Variants in XKR3 observed in about 807,000 individuals in gnomAD.
XKR3 encodes XK-related protein 3.
A neutral mutation model predicts 40.3 loss-of-function variants in XKR3; 27 were observed. That is an observed-to-expected ratio of 0.67 (90% CI 0.49 to 0.92). The LOEUF (loss-of-function observed/expected upper bound fraction) is 0.92, where lower values mean the gene tolerates loss of function less well. Ranked by LOEUF, XKR3 falls within the 40% of genes least tolerant of loss-of-function variation. The probability of loss-of-function intolerance (pLI) is 0.00; values close to 1 mark genes in which losing one functional copy is unlikely to be tolerated. For missense variants in XKR3, 472 were observed against 537.6 expected, an observed-to-expected ratio of 0.88 and a Z score of 1.21; for synonymous variants, 193 against 195.4, an observed-to-expected ratio of 0.99 and a Z score of 0.10.
chr22:16,814,193 C>T (rs780460980), intron 1 of XKR3, among the ~76,000 whole-genome samples: 5 of 152,104 alleles, frequency 3.3e-5, no homozygotes, highest in African/African-American at 4.8e-5. Context: ...GTTTTTGATA[C>T]ATTTTGAGAT....
chr22:16,790,790 G>A (rs1190580482), intron 3 of XKR3, among the ~76,000 whole-genome samples: 3 of 151,614 alleles, frequency 2.0e-5, no homozygotes, highest in African/African-American at 7.3e-5. Flanking sequence ...TTTCTCAAAA[G>A]GCATTTTTCA....
intron 1 of XKR3, among the ~76,000 whole-genome samples, chr22:16,820,896 G>GT (rs1022568094): frequency 4.6e-5 from 7 of 152,096 alleles, no homozygotes; most frequent in Admixed American, 1.3e-4. Context: ...ACGATCTCTT[G>GT]TAAGTTATAA....
intron 3 of XKR3, among the ~76,000 whole-genome samples, chr22:16,799,017 A>C (rs193291849): frequency 1.6e-4 from 25 of 152,290 alleles, no homozygotes; most frequent in African/African-American, 6.0e-4. Context: ...CTAAGGTAAA[A>C]ATTTAAAATA....
chr22:16,787,467 G>C (rs1464682263), intron 3 of XKR3, among the ~76,000 whole-genome samples: 5 of 151,660 alleles, frequency 3.3e-5, no homozygotes, highest in Non-Finnish European at 7.4e-5. Context: ...GGCTGAGGCA[G>C]GATAATCACG....
At chr22:16,796,463 T>C (rs1364280251) in intron 3 of XKR3, among the ~76,000 whole-genome samples, 3 of 152,086 alleles carry the variant, frequency 2.0e-5, no homozygotes, top group Admixed American at 6.5e-5. Context: ...CTTAACAAAA[T>C]CTCAGCAAAC....
chr22:16,787,609 G>A (rs1349052670), intron 3 of XKR3, among the ~76,000 whole-genome samples: 1 of 149,352 alleles, frequency 6.7e-6, no homozygotes, highest in Non-Finnish European at 1.5e-5. Context: ...AAAGTAAAAA[G>A]TCTATTTAGA....
rs2060078154 is a variant in XKR3, at chr22:16,784,029, C to CTG, written c.968_969dup (p.Ala324GlnfsTer3). 1 of 1,614,232 alleles carries CTG rather than the reference C, an allele frequency of 6.2e-7. No homozygotes were observed. The highest frequency in any genetic ancestry group is 2.2e-5 in the East Asian group (1 of 44,890). On this transcript the variant is annotated frameshift_variant, in exon 4 of 4. Transcript: ENST00000684488. LOFTEE classifies it high-confidence loss of function. ...TCATCTGACAACTGCAGTTTCACTGCTGACCAGCAGGAGAAGTTGATGGCA... is the reference window on the plus strand; with the variant it reads ...TCATCTGACAACTGCAGTTTCACTGCTGTGACCAGCAGGAGAAGTTGATGGCA...
chr22:16,818,583 G>A (rs1054499587), intron 1 of XKR3, among the ~76,000 whole-genome samples: 4 of 151,586 alleles, frequency 2.6e-5, no homozygotes, highest in East Asian at 1.9e-4. Context: ...TACTCCAGAC[G>A]AACACCACAG....
At chr22:16,785,204 C>T (rs1341872649) in intron 3 of XKR3, among the ~76,000 whole-genome samples, 1 of 152,052 alleles carries the variant, frequency 6.6e-6, no homozygotes. Flanking sequence ...GTAGTCCCAG[C>T]TACTCGGGAG....
intron 3 of XKR3, among the ~76,000 whole-genome samples, chr22:16,786,671 A>T (rs1467751669): frequency 3.3e-5 from 5 of 152,206 alleles, no homozygotes; most frequent in Non-Finnish European, 1.5e-5. Context: ...TCTAGGCATT[A>T]GGATTCCCCC....
chr22:16,809,388 C>T (rs117364346), intron 1 of XKR3, among the ~76,000 whole-genome samples: 2,991 of 152,148 alleles, frequency 0.02, 35 homozygotes, highest in Middle Eastern at 0.054. Context: ...CCTTATCACA[C>T]GTGTATTAAA....
chr22:16,801,559 AGTAAGT>A (rs911617117), intron 2 of XKR3, among the ~76,000 whole-genome samples: 7 of 152,292 alleles, frequency 4.6e-5, no homozygotes, highest in African/African-American at 1.7e-4. Flanking sequence ...TAAATATATA[AGTAAGT>A]GTAAGTTTTA....
chr22:16,793,291 C>T (rs1270394192), intron 3 of XKR3, among the ~76,000 whole-genome samples: 19 of 152,312 alleles, frequency 1.2e-4, no homozygotes, highest in Admixed American at 8.5e-4. Context: ...GGATTACAGG[C>T]GTGAGCCACT....
chr22:16,813,246 T>C (rs1601850016), intron 1 of XKR3, among the ~76,000 whole-genome samples: 1 of 151,562 alleles, frequency 6.6e-6, no homozygotes, highest in Admixed American at 6.6e-5. Context: ...ATTGCACCAC[T>C]GCACTCCAGC....
Position 16,822,337 on chromosome 22 carries a change from A to C in XKR3, c.-11+2954T>G, listed in dbSNP as rs556209021. On this transcript the variant is annotated intron_variant, in intron 1 of 3. Transcript: ENST00000684488. Reference sequence around the variant, plus strand: ...CACTACAAACCTCAAAGCAAGAACTAAAGTAACAGTAACAGCTAAGAAACC... The same window carrying C: ...CACTACAAACCTCAAAGCAAGAACTCAAGTAACAGTAACAGCTAAGAAACC... Among the ~76,000 whole-genome samples the C allele has an allele frequency of 2.6e-5, 4 of 152,242 alleles. No homozygotes were observed. The East Asian group carries it at 7.7e-4, about 29-fold the overall frequency.
intron 1 of XKR3, among the ~76,000 whole-genome samples, chr22:16,817,311 A>G (rs1203688212): frequency 6.6e-6 from 1 of 150,850 alleles, no homozygotes; most frequent in African/African-American, 2.4e-5. Context: ...TGTTCCCCTT[A>G]GTGTGTCTTT....
Position 16,815,693 on chromosome 22 carries a change from T to C in XKR3, c.-10-7610A>G, listed in dbSNP as rs2060230427. Reference sequence around the variant, plus strand: ...TATATACATATAAAAGGATTGTTAATTGTTAATTGCAAAGTATTCCTATTA... The same window carrying C: ...TATATACATATAAAAGGATTGTTAACTGTTAATTGCAAAGTATTCCTATTA... On this transcript the variant is annotated intron_variant, in intron 1 of 3. Coordinates refer to ENST00000684488, the MANE Select transcript of XKR3 (RefSeq NM_001386955.1). 2.6e-5 allele frequency among the ~76,000 whole-genome samples: 4 copies of C among 152,092 alleles called. No individual in the cohort carries two copies. In the South Asian group the frequency reaches 8.3e-4, roughly 32 times the overall value.
At chr22:16,803,116 A>T (rs2146162688) in intron 2 of XKR3, among the ~76,000 whole-genome samples, 1 of 152,232 alleles carries the variant, frequency 6.6e-6, no homozygotes, top group African/African-American at 2.4e-5. Context: ...CCTTAGTTAC[A>T]GTAGACCAGA....
At chr22:16,789,804 G>C (rs1166934032) in intron 3 of XKR3, among the ~76,000 whole-genome samples, 2 of 152,200 alleles carry the variant, frequency 1.3e-5, no homozygotes, top group Non-Finnish European at 2.9e-5. Context: ...ACTGAGTATA[G>C]TGAGCACAAA....
Sources: gnomAD v4.1 joint callset for allele counts (sites outside exome capture counted in the v4.1 genomes callset) on GRCh38, gnomAD v4.1.1 for gene constraint, MANE v1.5 for transcripts, NCBI Gene and HGNC (gene_info 2026-07-23, HGNC 2026-07-21) for gene names.